Variants in RSPO2 observed in about 807,000 individuals in gnomAD.
The protein encoded by RSPO2 is R-spondin-2.
Under a neutral mutation model 30.9 loss-of-function variants are expected in RSPO2, and 14 were observed. The observed-to-expected ratio is 0.45, with a 90% confidence interval of 0.30 to 0.71. The LOEUF (loss-of-function observed/expected upper bound fraction) is 0.71, where lower values mean the gene tolerates loss of function less well. Ranked by LOEUF, RSPO2 falls within the 30% of genes least tolerant of loss-of-function variation. The pLI is 0.08. For synonymous variants in RSPO2, 107 were observed against 96.4 expected, an observed-to-expected ratio of 1.11 and a Z score of -0.64; for missense variants, 264 against 301.9, an observed-to-expected ratio of 0.87 and a Z score of 0.93.
intron 2 of RSPO2, among the ~76,000 whole-genome samples, chr8:108,058,508 A>G (rs181236374): frequency 6.6e-6 from 1 of 152,168 alleles, no homozygotes; most frequent in Non-Finnish European, 1.5e-5. Flanking sequence ...TTTAAAGTTC[A>G]TATGGAACCA....
At chr8:108,019,351 C>T (rs909584385) in intron 2 of RSPO2, among the ~76,000 whole-genome samples, 3 of 151,962 alleles carry the variant, frequency 2.0e-5, no homozygotes, top group Non-Finnish European at 4.4e-5. Context: ...AAGACTCCAA[C>T]TCAAAAAAAT....
intron 5 of RSPO2, among the ~76,000 whole-genome samples, chr8:107,956,100 C>T (rs534791010): frequency 9.5e-4 from 145 of 152,258 alleles, no homozygotes; most frequent in African/African-American, 3.0e-3. Flanking sequence ...TTTTATCAAT[C>T]GGTGCTCAAG....
At chr8:108,071,269 A>ATT (rs1267050022) in intron 2 of RSPO2, among the ~76,000 whole-genome samples, 4 of 152,200 alleles carry the variant, frequency 2.6e-5, no homozygotes, top group Non-Finnish European at 5.9e-5. Context: ...GGGTAATATT[A>ATT]TTTAAATGAG....
intron 3 of RSPO2, among the ~76,000 whole-genome samples, chr8:107,975,868 A>G (rs1323289858): frequency 6.6e-6 from 1 of 152,198 alleles, no homozygotes; most frequent in Non-Finnish European, 1.5e-5. Flanking sequence ...TCTTCAGGAG[A>G]AAGCATAAAA....
chr8:107,965,127 T>C (rs1813754623), intron 3 of RSPO2, among the ~76,000 whole-genome samples: 1 of 152,166 alleles, frequency 6.6e-6, no homozygotes, highest in South Asian at 2.1e-4. Flanking sequence ...GACTTTTCTA[T>C]AAAAATATGG....
rs373847266 is a variant in RSPO2, at chr8:107,931,619, G to A, written c.616+26461C>T. ...TAACAAGTAACATGAAACAACCAACGGATGTAAGTTTCAGAGTATTTAATG... is the reference window on the plus strand; with the variant it reads ...TAACAAGTAACATGAAACAACCAACAGATGTAAGTTTCAGAGTATTTAATG... On this transcript the variant is annotated intron_variant, in intron 5 of 5. Coordinates refer to ENST00000276659, the MANE Select transcript of RSPO2 (RefSeq NM_178565.5). Among the ~76,000 whole-genome samples the A allele has an allele frequency of 1.1e-4, 16 of 152,204 alleles. No homozygotes were observed. In the South Asian group the frequency reaches 1.5e-3, roughly 14 times the overall value.
intron 1 of RSPO2, 145 bp from the exon 2 acceptor site, chr8:108,082,952 A>C: frequency 9.3e-6 from 3 of 322,218 alleles, no homozygotes; most frequent in Non-Finnish European, 1.1e-5. Context: ...GAGCGGCTTA[A>C]TCCAGAGCGG....
At position 108,058,914 on chromosome 8, in the gene RSPO2, T is replaced by A. The variant is rs1464334227; in HGVS notation, c.94+23631A>T. Among the ~76,000 whole-genome samples, 4 of 151,686 alleles carry A rather than the reference T, an allele frequency of 2.6e-5. No homozygotes were observed. The East Asian group carries it at 5.8e-4, about 22-fold the overall frequency. On this transcript the variant is annotated intron_variant, in intron 2 of 5. Transcript: ENST00000276659. Reference sequence around the variant, plus strand: ...AAAACCCTAGAAGAAAACCTAGGCATTACCATTCAGGACATAGGCATGGGC... The same window carrying A: ...AAAACCCTAGAAGAAAACCTAGGCAATACCATTCAGGACATAGGCATGGGC...
chr8:107,958,118 G>C lies in RSPO2; in HGVS notation c.578C>G (p.Ser193Cys). 2 of 1,613,622 alleles carry C rather than the reference G, an allele frequency of 1.2e-6. No individual in the cohort carries two copies. The highest frequency in any genetic ancestry group is 2.2e-5 in the South Asian group (2 of 91,032). Residue 193 changes from serine to cysteine, a missense_variant, in exon 5 of 6, where the codon TCC (serine) becomes TGC (cysteine). Transcript: ENST00000276659. ...DTILCPTIAE[S>C]RRCKMTMRHC... The stretch of plus-strand genomic sequence containing the variant: ...CCTCATTGTCATCTTGCATCTCCTG[G>C]ATTCAGCAATGGTTGGACACAGTAT...
chr8:108,038,649 C>A (rs1462202376), intron 2 of RSPO2, among the ~76,000 whole-genome samples: 3 of 152,142 alleles, frequency 2.0e-5, no homozygotes, highest in African/African-American at 4.8e-5. Flanking sequence ...AGCACCCCAA[C>A]CTTCAGCAAC....
chr8:107,913,318 G>C (rs780166125), intron 5 of RSPO2, among the ~76,000 whole-genome samples: 1 of 152,140 alleles, frequency 6.6e-6, no homozygotes, highest in Non-Finnish European at 1.5e-5. Flanking sequence ...CAAACCCCAT[G>C]AACTGGTCAT....
At chr8:108,023,083 G>C (rs932907633) in intron 2 of RSPO2, among the ~76,000 whole-genome samples, 4 of 152,134 alleles carry the variant, frequency 2.6e-5, no homozygotes, top group Non-Finnish European at 5.9e-5. Context: ...AGAATGAAGA[G>C]AGAGGAAGCG....
intron 2 of RSPO2, among the ~76,000 whole-genome samples, chr8:108,027,471 T>C (rs544081136): frequency 6.6e-6 from 1 of 152,308 alleles, no homozygotes; most frequent in African/African-American, 2.4e-5. Flanking sequence ...ATAATGATAA[T>C]GAAAACAATC....
intron 2 of RSPO2, among the ~76,000 whole-genome samples, chr8:108,078,852 T>C (rs146265665): frequency 1.9e-3 from 294 of 152,322 alleles, no homozygotes; most frequent in Non-Finnish European, 3.7e-3. Flanking sequence ...TTGAGAATTA[T>C]ATCAAGAAGT....
intron 5 of RSPO2, among the ~76,000 whole-genome samples, chr8:107,951,130 G>A (rs949746498): frequency 2.0e-5 from 3 of 151,248 alleles, no homozygotes; most frequent in African/African-American, 4.9e-5. Flanking sequence ...GCAGTGGCAC[G>A]ATTTCAGCTC....
At position 107,989,230 on chromosome 8, in the gene RSPO2, T is replaced by A; in HGVS notation, c.109A>T (p.Asn37Tyr). ...GACAAACAACCCTTGCAAATGGGAT[T>A]TGATACATAACTAGCTGTAAAAGAA... is the stretch of plus-strand genomic sequence containing the variant. ...RRSKRASYVS[N>Y]PICKGCLSCS... The change falls in exon 3 of 6, where the codon AAT (asparagine) becomes TAT (tyrosine). Residue 37 changes from asparagine to tyrosine, a missense_variant. By Grantham distance (143) the Asn-to-Tyr change is moderately radical (BLOSUM62 -2). Transcript: ENST00000276659. The A allele has an allele frequency of 6.4e-7, 1 of 1,570,896 alleles. No homozygotes were observed.
chr8:107,976,317 CA>C (rs1814209325), intron 3 of RSPO2, among the ~76,000 whole-genome samples: 1 of 152,168 alleles, frequency 6.6e-6, no homozygotes, highest in African/African-American at 2.4e-5. Flanking sequence ...GAAACATGGG[CA>C]TTAGAGTTAG....
intron 5 of RSPO2, among the ~76,000 whole-genome samples, chr8:107,920,863 G>T (rs972981150): frequency 6.6e-6 from 1 of 152,014 alleles, no homozygotes; most frequent in African/African-American, 2.4e-5. Context: ...AAGTTAAAAC[G>T]TAAAGTAGAT....
intron 2 of RSPO2, among the ~76,000 whole-genome samples, chr8:108,078,700 T>C (rs1464194223): frequency 6.6e-6 from 1 of 152,154 alleles, no homozygotes; most frequent in Non-Finnish European, 1.5e-5. Context: ...ATATCTAATT[T>C]TGTGAAACAA....
Sources: gnomAD v4.1 joint callset for allele counts (sites outside exome capture counted in the v4.1 genomes callset) on GRCh38, gnomAD v4.1.1 for gene constraint, MANE v1.5 for transcripts, NCBI Gene and HGNC (gene_info 2026-07-23, HGNC 2026-07-21) for gene names.